The following ELMO1 variants were observed in gnomAD, a reference collection of about 807,000 sequenced individuals.
ELMO1 encodes engulfment and cell motility 1, also known as engulfment and cell motility protein 1.
Under a neutral mutation model 98.9 loss-of-function variants are expected in ELMO1, and 26 were observed. The ratio of observed to expected loss-of-function variants is 0.26; its 90% CI spans 0.19 to 0.36. The LOEUF (loss-of-function observed/expected upper bound fraction) is 0.36. Among genes scored for constraint, ELMO1 ranks in the 10% least tolerant of loss-of-function variants. The pLI is 1.00. For synonymous variants in ELMO1, 346 were observed against 346.0 expected (o/e 1.00, Z 0.00); for missense variants, 627 against 935.2 (o/e 0.67, Z 4.30).
intron 6 of ELMO1, among the ~76,000 whole-genome samples, chr7:37,256,518 A>AGGAG (rs1484261223): frequency 7.2e-6 from 1 of 139,628 alleles, no homozygotes; most frequent in Non-Finnish European, 1.5e-5. Flanking sequence ...AGGGAGGAGA[A>AGGAG]GGAGGAAGGA....
intron 15 of ELMO1, among the ~76,000 whole-genome samples, chr7:37,060,437 T>C (rs1335455064): frequency 6.6e-6 from 1 of 152,132 alleles, no homozygotes; most frequent in Admixed American, 6.5e-5. Context: ...TATTCTCACT[T>C]ATAAGTGGGA....
At chr7:37,053,468 T>C (rs1796229961) in intron 15 of ELMO1, among the ~76,000 whole-genome samples, 1 of 152,104 alleles carries the variant, frequency 6.6e-6, no homozygotes, top group Non-Finnish European at 1.5e-5. Context: ...TTGAAGAGAG[T>C]TCATGTGTTT....
chr7:37,058,244 T>C (rs938907759), intron 15 of ELMO1, among the ~76,000 whole-genome samples: 4 of 152,188 alleles, frequency 2.6e-5, no homozygotes, highest in African/African-American at 9.7e-5. Context: ...GCTGGTTTCA[T>C]ATAAATGTAA....
intron 4 of ELMO1, among the ~76,000 whole-genome samples, chr7:37,278,021 G>A (rs974119639): frequency 4.0e-5 from 6 of 150,642 alleles, no homozygotes; most frequent in Non-Finnish European, 8.8e-5. Context: ...CCAAACTGTT[G>A]TATCATGACC....
intron 13 of ELMO1, among the ~76,000 whole-genome samples, chr7:37,155,486 G>GAAAAAAA (rs1563040535): frequency 4.1e-4 from 1 of 2,420 alleles, no homozygotes; most frequent in African/African-American, 1.1e-3. Flanking sequence ...CAAACGGAAA[G>GAAAAAAA]CAAAAAAAAA....
At chr7:37,230,797 A>G (rs1015367094) in intron 8 of ELMO1, among the ~76,000 whole-genome samples, 2 of 152,218 alleles carry the variant, frequency 1.3e-5, no homozygotes, top group Non-Finnish European at 2.9e-5. Flanking sequence ...CACTATCTTC[A>G]GATTTGGAAT....
chr7:37,139,449 C>A (rs1787474645), intron 13 of ELMO1, among the ~76,000 whole-genome samples: 1 of 152,078 alleles, frequency 6.6e-6, no homozygotes, highest in Admixed American at 6.5e-5. Context: ...AAAATCAAAT[C>A]ACTCAACCTC....
At chr7:36,949,330 G>A (rs1278532325) in intron 16 of ELMO1, among the ~76,000 whole-genome samples, 1 of 152,196 alleles carries the variant, frequency 6.6e-6, no homozygotes, top group African/African-American at 2.4e-5. Flanking sequence ...CACAAATGGA[G>A]GATATAAATA....
intron 6 of ELMO1, among the ~76,000 whole-genome samples, chr7:37,245,166 C>G (rs1794935047): frequency 6.6e-6 from 1 of 152,158 alleles, no homozygotes; most frequent in South Asian, 2.1e-4. Flanking sequence ...TAGGCTCATT[C>G]TGGGGTCCTC....
intron 21 of ELMO1, among the ~76,000 whole-genome samples, chr7:36,856,598 G>A (rs968642514): frequency 2.4e-4 from 36 of 152,192 alleles, no homozygotes; most frequent in Admixed American, 2.4e-3. Flanking sequence ...TGAGGGAGAA[G>A]GAAGAACTGT....
At chr7:37,127,811 C>T (rs984720971) in intron 14 of ELMO1, among the ~76,000 whole-genome samples, 3 of 152,172 alleles carry the variant, frequency 2.0e-5, no homozygotes, top group Non-Finnish European at 2.9e-5. Context: ...TTGGCTCCCA[C>T]ATTGGCCAGC....
chr7:37,059,077 G>C (rs1026511913), intron 15 of ELMO1, among the ~76,000 whole-genome samples: 1 of 152,178 alleles, frequency 6.6e-6, no homozygotes, highest in Non-Finnish European at 1.5e-5. Flanking sequence ...TCAGATGAGA[G>C]TTTCATGCTG....
chr7:37,212,366 G>A (rs1793024079), intron 12 of ELMO1, among the ~76,000 whole-genome samples: 1 of 152,106 alleles, frequency 6.6e-6, no homozygotes. Flanking sequence ...ACTTAAGAAT[G>A]GTTAAAATAG....
intron 4 of ELMO1, among the ~76,000 whole-genome samples, chr7:37,294,780 G>T (rs1217833462): frequency 6.6e-6 from 1 of 152,088 alleles, no homozygotes; most frequent in African/African-American, 2.4e-5. Context: ...CAGGTGGATC[G>T]CCTGAGGTCA....
Position 37,033,536 on chromosome 7 carries a change from T to C in ELMO1, c.1301-20101A>G, listed in dbSNP as rs1448892471. The C allele has an allele frequency of 1.3e-5, 5 of 381,348 alleles. No homozygotes were observed. In the East Asian group the frequency reaches 3.6e-4, roughly 28 times the overall value. The allele number at this position is 381,348 out of a possible 1,614,324, so 23.6% of individuals were successfully genotyped here. A position where few individuals can be genotyped will look rare whatever the true frequency, so the allele number is the denominator to read the frequency against. The stretch of plus-strand genomic sequence containing the variant: ...CCAAACAGACACTGGATTATAACTT[T>C]CCAGCAAGCCAGCATTCCAATGTCA... On this transcript the variant is annotated intron_variant, in intron 15 of 21. Coordinates refer to ENST00000310758, the MANE Select transcript of ELMO1 (RefSeq NM_014800.11).
At chr7:36,960,913 G>A (rs181646323) in intron 16 of ELMO1, among the ~76,000 whole-genome samples, 41 of 152,170 alleles carry the variant, frequency 2.7e-4, no homozygotes, top group African/African-American at 8.9e-4. Flanking sequence ...CTTTTCTGCC[G>A]CACTTGGGGT....
chr7:36,902,249 C>T (rs1329780528), intron 16 of ELMO1, among the ~76,000 whole-genome samples: 2 of 152,246 alleles, frequency 1.3e-5, no homozygotes, highest in East Asian at 3.8e-4. Context: ...AAAAAAGCTT[C>T]TCTGCATTTC....
chr7:36,892,124 C>T (rs1445826543), intron 17 of ELMO1, among the ~76,000 whole-genome samples: 1 of 152,146 alleles, frequency 6.6e-6, no homozygotes, highest in African/African-American at 2.4e-5. Flanking sequence ...TTTTTCTTCT[C>T]AGAAAACGAC....
At chr7:37,372,202 T>C (rs1224896055) in intron 1 of ELMO1, among the ~76,000 whole-genome samples, 1 of 151,916 alleles carries the variant, frequency 6.6e-6, no homozygotes, top group Non-Finnish European at 1.5e-5. Context: ...CCCCACATTT[T>C]AAAAATAAGG....
Sources: allele counts gnomAD v4.1 joint callset (sites outside exome capture counted in the v4.1 genomes callset), GRCh38; gene constraint gnomAD v4.1.1; transcripts MANE v1.5; gene names NCBI Gene and HGNC (gene_info 2026-07-23, HGNC 2026-07-21).